MKS1: variants seen among roughly 807,000 people sequenced by gnomAD.
MKS1 encodes MKS transition zone complex subunit 1.
A neutral mutation model predicts 83.7 loss-of-function variants in MKS1; 70 were observed. The observed-to-expected ratio is 0.84, with a 90% CI of 0.69 to 1.02. MKS1 has a LOEUF of 1.02. Among genes scored for constraint, MKS1 ranks in the 50% least tolerant of loss-of-function variants. MKS1 has a pLI of 0.00. For missense variants in MKS1, 681 were observed against 726.9 expected (o/e 0.94, Z 0.73); for synonymous variants, 251 against 273.4 (o/e 0.92, Z 0.81).
Position 58,206,513 on chromosome 17 carries a change from T to C in MKS1, c.1442A>G (p.Glu481Gly). 6.2e-7 allele frequency: 1 copy of C among 1,613,974 alleles called. No homozygotes were observed. Among genetic ancestry groups the C allele is most frequent in the Non-Finnish European group, 8.5e-7 (1 of 1,180,014 alleles). ...GCGGAAGGTGACAGTGCCTGTGGTC[T>C]CTGTGCGGAGTCCAAAGCGGCTCAG... ...ERLSRFGLRT[E>G]TTGTVTFRLH... Residue 481 changes from glutamate to glycine, a missense_variant, in exon 16 of 18, where the codon GAG (glutamate) becomes GGG (glycine). By Grantham distance (98) the Glu-to-Gly change is moderately conservative. Transcript: ENST00000393119.
chr17:58,206,104 C>T lies in MKS1; in HGVS notation c.1655G>A (p.Ser552Asn). The change falls in exon 18 of 18, where the codon AGC becomes AAC. Residue 552 changes from serine (S) to asparagine (N), a missense_variant. Ser to Asn is a conservative substitution (Grantham distance 46, BLOSUM62 1). Transcript: ENST00000393119. The part of the protein sequence containing the change: ...ARESLPQDLV[S>N]PSGTLVS ...CTAGGAGACCAGGGTTCCAGAGGGG[C>T]TCACTAGGTCCTGCGGGAGGCTTTC... is the stretch of plus-strand genomic sequence containing the variant. 6.2e-7 allele frequency: 1 copy of T among 1,612,870 alleles called. No homozygotes were observed. Among genetic ancestry groups the T allele is most frequent in the South Asian group, 1.1e-5 (1 of 90,920 alleles).
chr17:58,212,975 C>A lies in MKS1; in HGVS notation c.858+7G>T, dbSNP rs918270665. ...CCCTTGGATACTTGGAATGAACTTG[C>A]GCTTACATCCTTGAACACTCGCCGT... On this transcript the variant is annotated splice_region_variant and intron_variant, in intron 8 of 17. Transcript: ENST00000393119. 6.2e-7 allele frequency: 1 copy of A among 1,613,210 alleles called. No individual in the cohort carries two copies. The highest frequency in any genetic ancestry group is 2.2e-5 in the East Asian group (1 of 44,874).
chr17:58,208,385 C>A, intron 12 of MKS1, 128 bp downstream of exon 12: 2 of 1,162,446 alleles, frequency 1.7e-6, no homozygotes, highest in South Asian at 2.6e-5. Context: ...CCCTGTAGAA[C>A]CCACACACAA....
chr17:58,210,733 G>C lies in MKS1; in HGVS notation c.959-9C>G, dbSNP rs538316917. ...ATAGCCTTGGGCTGAAACTACGAGA[G>C]AAAACAGGAAGCTATTTTAGCTTTT... On this transcript the variant is annotated splice_polypyrimidine_tract_variant and intron_variant, in intron 10 of 17. Transcript: ENST00000393119. 2 of 1,613,990 alleles carry C rather than the reference G, an allele frequency of 1.2e-6. No individual in the cohort carries two copies. Among genetic ancestry groups the C allele is most frequent in the Admixed American group, 3.3e-5 (2 of 60,028 alleles).
At chr17:58,210,056 C>T (rs57769535) in intron 11 of MKS1, among the ~76,000 whole-genome samples, 6,234 of 152,224 alleles carry the variant, frequency 0.041, 436 homozygotes, top group African/African-American at 0.14. Context: ...TTGGCATCAA[C>T]AACTCAGTAG....
rs566239288 is a variant in MKS1, at chr17:58,206,052, T to A, written c.*27A>T. 6.3e-7 allele frequency: 1 copy of A among 1,595,134 alleles called. No homozygotes were observed. The highest frequency in any genetic ancestry group is 1.3e-5 in the African/African-American group (1 of 74,478). On this transcript the variant is annotated 3_prime_UTR_variant, in exon 18 of 18. Coordinates refer to ENST00000393119, the MANE Select transcript of MKS1 (RefSeq NM_017777.4). ...TCAGATATCCCCCATCTTGTCCTCT[T>A]GCACTGTGGGCCAGGGCTGCTGTGA...
chr17:58,211,719 T>C lies in MKS1; in HGVS notation c.915+659A>G, dbSNP rs1188182218. On this transcript the variant is annotated intron_variant, in intron 9 of 17. Coordinates refer to ENST00000393119, the MANE Select transcript of MKS1 (RefSeq NM_017777.4). ...CTGGGACTACAGGTATGTATCACCA[T>C]GCCTTGCTAATTTTTTTTTTTTTTT... 2.8e-5 allele frequency among the ~76,000 whole-genome samples: 4 copies of C among 141,314 alleles called. No homozygotes were observed. In the Admixed American group the frequency reaches 3.2e-4, roughly 11 times the overall value. The allele number at this position is 141,314 out of a possible 152,430, so 92.7% of individuals were successfully genotyped here.
At position 58,205,704 on chromosome 17, in the gene MKS1, G is replaced by A. The variant is rs200682912; in HGVS notation, c.*375C>T. The A allele has an allele frequency of 4.3e-5, 57 of 1,327,074 alleles. No homozygotes were observed. The highest frequency in any genetic ancestry group is 4.6e-5 in the Non-Finnish European group (46 of 1,004,542). The allele number at this position is 1,327,074 out of a possible 1,614,324, so 82.2% of individuals were successfully genotyped here. ...CTTCTTTGGTCTTGGAAGATGAAAG[G>A]CTCCATTTTTAAAGGGTGGAGAACA... On this transcript the variant is annotated 3_prime_UTR_variant, in exon 18 of 18. Coordinates refer to ENST00000393119, the MANE Select transcript of MKS1 (RefSeq NM_017777.4).
chr17:58,219,050 G>T (rs752610342), intron 1 of MKS1, 101 bp downstream of exon 1: 3 of 1,476,894 alleles, frequency 2.0e-6, no homozygotes, highest in Non-Finnish European at 2.7e-6. Flanking sequence ...AAGTGGTCGG[G>T]ATTGTAAGCA....
intron 10 of MKS1, 21 bp downstream of exon 10, chr17:58,210,959 C>T (rs372290055): frequency 6.2e-7 from 1 of 1,612,258 alleles, no homozygotes; most frequent in East Asian, 2.2e-5. Context: ...ATCAAGAGAT[C>T]TATGCTAGCA....
intron 2 of MKS1, among the ~76,000 whole-genome samples, chr17:58,218,054 A>G (rs980172016): frequency 1.3e-5 from 2 of 152,204 alleles, no homozygotes; most frequent in Non-Finnish European, 2.9e-5. Flanking sequence ...CTATACATGC[A>G]CATCATATGC....
chr17:58,219,084 G>C (rs1969437461), intron 1 of MKS1, 67 bp downstream of exon 1: 2 of 1,535,712 alleles, frequency 1.3e-6, no homozygotes, highest in African/African-American at 1.4e-5. Flanking sequence ...TCAGAACACC[G>C]AGCTCAGGTT....
chr17:58,210,585 A>G, intron 11 of MKS1, 74 bp downstream of exon 11: 1 of 1,377,416 alleles, frequency 7.3e-7, no homozygotes, highest in Non-Finnish European at 1.0e-6. Flanking sequence ...GAGGAGTGGG[A>G]AAGGAAGCCT....
rs371480628 is a variant in MKS1, at chr17:58,207,888, G to A, written c.1273+6C>T. 2.5e-5 allele frequency: 40 copies of A among 1,611,846 alleles called. No homozygotes were observed. Among genetic ancestry groups the A allele is most frequent in the Middle Eastern group, 1.7e-4 (1 of 6,024 alleles). Reference sequence around the variant, plus strand: ...GGGCCACAGAAGGGCAGAGACGAGCGGTTACCTGGAGTGGCAGGCAGCACC... The same window carrying A: ...GGGCCACAGAAGGGCAGAGACGAGCAGTTACCTGGAGTGGCAGGCAGCACC... On this transcript the variant is annotated splice_donor_region_variant and intron_variant, in intron 14 of 17. Transcript: ENST00000393119.
At chr17:58,216,395 C>A in intron 3 of MKS1, 152 bp from the exon 4 acceptor site, 1 of 955,614 alleles carries the variant, frequency 1.0e-6, no homozygotes, top group Non-Finnish European at 1.6e-6. Context: ...GGCAGGGGAA[C>A]CAAGAACATT....
At chr17:58,219,032 G>A (rs1288272545) in intron 1 of MKS1, 119 bp downstream of exon 1, 1 of 1,387,908 alleles carries the variant, frequency 7.2e-7, no homozygotes, top group Non-Finnish European at 9.8e-7. Context: ...GAAGTGGGGA[G>A]CCCGGAGAAG....
intron 15 of MKS1, 53 bp downstream of exon 15, chr17:58,207,029 CAGA>C: frequency 1.9e-6 from 3 of 1,612,792 alleles, no homozygotes; most frequent in South Asian, 1.1e-5. Context: ...CCACCTCCTA[CAGA>C]AGGACAGGAC....
chr17:58,213,661 T>C (rs1048956413), intron 7 of MKS1, 104 bp downstream of exon 7: 2 of 881,044 alleles, frequency 2.3e-6, no homozygotes, highest in South Asian at 2.7e-5. Context: ...ATGTAAAAGT[T>C]AGAACAGATG....
At chr17:58,212,471 C>T (rs1165809363) in intron 8 of MKS1, 37 bp from the exon 9 acceptor site, 2 of 1,609,232 alleles carry the variant, frequency 1.2e-6, no homozygotes, top group Non-Finnish European at 1.7e-6. Context: ...CAAGATGCAA[C>T]CCAAGCTAGA....
Sources: gnomAD v4.1 joint callset for allele counts (sites outside exome capture counted in the v4.1 genomes callset) on GRCh38, gnomAD v4.1.1 for gene constraint, MANE v1.5 for transcripts, NCBI Gene and HGNC (gene_info 2026-07-23, HGNC 2026-07-21) for gene names.